WDR93: variants seen among roughly 807,000 people sequenced by gnomAD.
WDR93 encodes WD repeat domain 93, also known as WD repeat-containing protein 93.
A neutral mutation model predicts 82.9 loss-of-function variants in WDR93; 73 were observed. The ratio of observed to expected loss-of-function variants is 0.88; its 90% CI spans 0.73 to 1.07. The LOEUF is 1.07. Among genes scored for constraint, WDR93 ranks in the 50% least tolerant of loss-of-function variants. WDR93 has a pLI of 0.00. For synonymous variants in WDR93, 283 were observed against 300.1 expected, an observed-to-expected ratio of 0.94 and a Z score of 0.59; for missense variants, 738 against 826.0, an observed-to-expected ratio of 0.89 and a Z score of 1.31.
At chr15:89,690,512 G>A (rs1312116289), upstream of WDR93, 2 of 1,248,002 alleles carry the variant, frequency 1.6e-6, no homozygotes, top group Non-Finnish European at 2.3e-6. Context: ...CCCGGGTGCA[G>A]GGGAATAGGC....
At chr15:89,706,517 G>A (rs1332399774) in intron 4 of WDR93, among the ~76,000 whole-genome samples, 1 of 151,928 alleles carries the variant, frequency 6.6e-6, no homozygotes, top group Non-Finnish European at 1.5e-5. Context: ...TTCAGTGGGG[G>A]CCAAAAGAGA....
chr15:89,694,429 G>A (rs2141574114), intron 1 of WDR93, among the ~76,000 whole-genome samples: 1 of 151,868 alleles, frequency 6.6e-6, no homozygotes, highest in Non-Finnish European at 1.5e-5. Flanking sequence ...TAGACATGGG[G>A]TTTCACCATG....
rs1555431889 is a variant in WDR93, at chr15:89,717,048, T to TTC, written c.795+100_795+101insCT. ...TTCTTTTCTTTTCTTTTTCTTTCTT[T>TTC]TTTTTTTTTTTTTTTTTTTGAGACA... On this transcript the variant is annotated intron_variant, in intron 7 of 16. Transcript: ENST00000268130. 2.8e-5 allele frequency: 13 copies of TTC among 456,324 alleles called. No individual in the cohort carries two copies. The South Asian group carries it at 4.8e-4, about 17-fold the overall frequency. The allele number at this position is 456,324 out of a possible 1,614,324, so 28.3% of individuals were successfully genotyped here. A position where few individuals can be genotyped will look rare whatever the true frequency, so the allele number is the denominator to read the frequency against.
intron 7 of WDR93, among the ~76,000 whole-genome samples, chr15:89,720,587 G>T (rs148972336): frequency 6.6e-6 from 1 of 152,196 alleles, no homozygotes; most frequent in African/African-American, 2.4e-5. Context: ...TAGATTTTTA[G>T]AAGTATGTTA....
intron 14 of WDR93, 99 bp downstream of exon 14, chr15:89,735,652 T>A (rs1967108507): frequency 1.6e-6 from 2 of 1,282,602 alleles, no homozygotes; most frequent in East Asian, 4.7e-5. Context: ...TGAAGGCCTG[T>A]TATGTGTTAG....
chr15:89,690,925 G>A (rs1264322453), intron 1 of WDR93, 68 bp downstream of exon 1: 1 of 362,348 alleles, frequency 2.8e-6, no homozygotes, highest in Non-Finnish European at 5.1e-6. Flanking sequence ...CCCTTTACCT[G>A]TAGAGTCTCC....
intron 13 of WDR93, among the ~76,000 whole-genome samples, chr15:89,734,001 G>GTA (rs1481329258): frequency 2.6e-5 from 4 of 151,524 alleles, no homozygotes; most frequent in Non-Finnish European, 2.9e-5. Flanking sequence ...TAATGTGTGT[G>GTA]TGTGTGTGTG....
Position 89,732,990 on chromosome 15 carries a change from T to G in WDR93, c.1331-16T>G. The G allele has an allele frequency of 6.2e-7, 1 of 1,613,290 alleles. No homozygotes were observed. Among genetic ancestry groups the G allele is most frequent in the Non-Finnish European group, 8.5e-7 (1 of 1,179,384 alleles). ...TACCCCGTTTTCTGACCGGCTTGTG[T>G]GATTACTTTCTCTAGGATTCCCTCT... On this transcript the variant is annotated splice_polypyrimidine_tract_variant and intron_variant, in intron 12 of 16. Coordinates refer to ENST00000268130, the MANE Select transcript of WDR93 (RefSeq NM_020212.2).
intron 1 of WDR93, among the ~76,000 whole-genome samples, chr15:89,692,195 C>T (rs1964926675): frequency 6.6e-6 from 1 of 152,196 alleles, no homozygotes; most frequent in South Asian, 2.1e-4. Context: ...CTCACATTAG[C>T]AGCTGGGTCT....
chr15:89,713,637 T>A (rs944578860), intron 5 of WDR93, among the ~76,000 whole-genome samples: 1 of 152,040 alleles, frequency 6.6e-6, no homozygotes, highest in African/African-American at 2.4e-5. Context: ...CATGCCCGGC[T>A]AATTTTTATA....
intron 5 of WDR93, 71 bp from the exon 6 acceptor site, chr15:89,714,909 C>G (rs1261242155): frequency 6.1e-6 from 8 of 1,315,712 alleles, no homozygotes; most frequent in African/African-American, 1.5e-5. Context: ...AAGAAGAAGA[C>G]AGGCCATTTC....
chr15:89,708,512 C>T (rs11629616), intron 4 of WDR93, among the ~76,000 whole-genome samples: 1 of 152,180 alleles, frequency 6.6e-6, no homozygotes, highest in Admixed American at 6.5e-5. Flanking sequence ...GTGCCCACAT[C>T]TGCACCATAA....
chr15:89,742,661 G>T (rs1967774570), intron 16 of WDR93, among the ~76,000 whole-genome samples: 1 of 152,100 alleles, frequency 6.6e-6, no homozygotes, highest in Non-Finnish European at 1.5e-5. Context: ...AGCCTCCTGA[G>T]TAGCTGGCAT....
At chr15:89,705,215 G>C (rs1965672282) in intron 3 of WDR93, 1 of 264,512 alleles carries the variant, frequency 3.8e-6, no homozygotes, top group African/African-American at 2.3e-5. Context: ...GGAAACAGTT[G>C]GATAATGGTG....
At chr15:89,736,625 G>A (rs1398967202) in intron 14 of WDR93, among the ~76,000 whole-genome samples, 1 of 152,044 alleles carries the variant, frequency 6.6e-6, no homozygotes, top group Non-Finnish European at 1.5e-5. Flanking sequence ...AAGAAAGTGA[G>A]AGCAGTGTCC....
At chr15:89,712,850 C>T (rs1188371292) in intron 5 of WDR93, among the ~76,000 whole-genome samples, 4 of 152,128 alleles carry the variant, frequency 2.6e-5, no homozygotes, top group East Asian at 1.9e-4. Context: ...CCTGGCCAGG[C>T]GCGGTGGCTC....
rs1967367026 is a variant in WDR93, at chr15:89,738,220, C to T, written c.1945C>T (p.Arg649Cys). 13 of 1,610,342 alleles carry T rather than the reference C, an allele frequency of 8.1e-6. No homozygotes were observed. The highest frequency in any genetic ancestry group is 1.3e-5 in the African/African-American group (1 of 74,578). Residue 649 changes from arginine to cysteine, a missense_variant, in exon 16 of 17, where the codon CGT becomes TGT. Transcript: ENST00000268130. ...ACTGCCACTGGAGAAGAGATGTGAG[C>T]GTTTCCTCCAGAAGAGGTAAAGAGC... is the stretch of plus-strand genomic sequence containing the variant. ...QALPLEKRCE[R>C]FLQKSYRKLE...
At chr15:89,698,135 C>T in intron 1 of WDR93, among the ~76,000 whole-genome samples, 1 of 152,038 alleles carries the variant, frequency 6.6e-6, no homozygotes, top group Non-Finnish European at 1.5e-5. Context: ...CCGCCCGTCT[C>T]AGCCTCCCAA....
chr15:89,694,992 T>G (rs557158278), intron 1 of WDR93, among the ~76,000 whole-genome samples: 53 of 152,354 alleles, frequency 3.5e-4, no homozygotes, highest in Non-Finnish European at 6.0e-4. Context: ...TCTCCATATA[T>G]GTTTGCATCT....
Sources: allele counts gnomAD v4.1 joint callset (sites outside exome capture counted in the v4.1 genomes callset), GRCh38; gene constraint gnomAD v4.1.1; transcripts MANE v1.5; gene names NCBI Gene and HGNC (gene_info 2026-07-23, HGNC 2026-07-21).